Variants in LRCH2 observed in about 807,000 individuals in gnomAD.
LRCH2 encodes the protein leucine-rich repeat and calponin homology domain-containing protein 2.
A neutral mutation model predicts 68.9 loss-of-function variants in LRCH2; 38 were observed. The observed-to-expected ratio is 0.55, with a 90% CI of 0.43 to 0.72. The LOEUF (loss-of-function observed/expected upper bound fraction) is 0.72. LRCH2 is among the 30% of genes least tolerant of loss of function. The probability of loss-of-function intolerance (pLI) is 0.00; values close to 1 mark genes in which losing one functional copy is unlikely to be tolerated. For synonymous variants in LRCH2, 191 were observed against 208.1 expected (o/e 0.92, Z 0.71); for missense variants, 528 against 572.9 (o/e 0.92, Z 0.80).
At chrX:115,185,139 T>C (rs1004980002) in intron 2 of LRCH2, among the ~76,000 whole-genome samples, 6 of 112,399 alleles carry the variant, frequency 5.3e-5, no homozygotes, top group Non-Finnish European at 1.9e-5. Flanking sequence ...AAAACATTCT[T>C]ATCTCTGTAG....
intron 2 of LRCH2, among the ~76,000 whole-genome samples, chrX:115,186,583 A>T (rs1446886000): frequency 9.0e-6 from 1 of 111,397 alleles, no homozygotes; most frequent in Non-Finnish European, 1.9e-5. Flanking sequence ...GAATCAGAGA[A>T]AGTTTTAGTA....
rs1271892510 is a variant in LRCH2, at chrX:115,133,839, T to G, written c.1696-3640A>C. 2.7e-5 allele frequency among the ~76,000 whole-genome samples: 3 copies of G among 111,752 alleles called. No individual in the cohort carries two copies. In the East Asian group the frequency reaches 8.4e-4, roughly 31 times the overall value. On this transcript the variant is annotated intron_variant, in intron 14 of 20. Coordinates refer to ENST00000317135, the MANE Select transcript of LRCH2 (RefSeq NM_020871.4). ...ATTAGGCCAACTAATAATCCCACAA[T>G]GGCCTCTTTAAGTGTTCAAGTGAAA...
intron 15 of LRCH2, 61 bp downstream of exon 15, chrX:115,130,092 ACT>A (rs2072230335): frequency 1.5e-6 from 1 of 649,609 alleles, no homozygotes; most frequent in Non-Finnish European, 2.3e-6. Context: ...TTTTACTCTC[ACT>A]GAGCCAACTT....
At chrX:115,189,244 T>G (rs1569515498) in intron 1 of LRCH2, among the ~76,000 whole-genome samples, 1 of 112,551 alleles carries the variant, frequency 8.9e-6, no homozygotes, top group Non-Finnish European at 1.9e-5. Flanking sequence ...TCTTATTTTC[T>G]ATTCCTAGGA....
intron 14 of LRCH2, among the ~76,000 whole-genome samples, chrX:115,131,438 TC>T (rs1391683714): frequency 1.8e-5 from 2 of 111,335 alleles, no homozygotes; most frequent in Non-Finnish European, 3.8e-5. Context: ...CATGAACTCA[TC>T]CTTTTTTATG....
intron 11 of LRCH2, among the ~76,000 whole-genome samples, chrX:115,157,345 GTAAAATCTCGGCCTTTTATTCAAAA>G (rs2072483427): frequency 9.1e-6 from 1 of 110,277 alleles, no homozygotes. Context: ...TTTAATATAA[GTAAAATCTCGGCCTTTTATTCAAAA>G]TAAAATCTCC....
At chrX:115,205,953 A>T in intron 1 of LRCH2, among the ~76,000 whole-genome samples, 1 of 181 alleles carries the variant, frequency 5.5e-3, no homozygotes, top group South Asian at 0.5. Flanking sequence ...AAAAAAATGC[A>T]AAAAAAAATG....
intron 1 of LRCH2, among the ~76,000 whole-genome samples, chrX:115,228,127 T>C (rs782150778): frequency 6.9e-4 from 77 of 112,297 alleles, no homozygotes; most frequent in African/African-American, 2.4e-3. Context: ...GTTTGACCTT[T>C]AGCAGATTGA....
chrX:115,190,175 C>G, intron 1 of LRCH2: 2 of 1,166,070 alleles, frequency 1.7e-6, no homozygotes, highest in Non-Finnish European at 2.3e-6. Context: ...CCACTGCCCC[C>G]GTGCCGCGAC....
intron 6 of LRCH2, among the ~76,000 whole-genome samples, chrX:115,167,242 CT>C (rs1364244267): frequency 3.3e-5 from 1 of 30,528 alleles, no homozygotes; most frequent in South Asian, 1.8e-3. Context: ...CAAAAAAAAA[CT>C]TTTTTTTGTA....
intron 1 of LRCH2, chrX:115,189,802 C>T: frequency 8.6e-7 from 1 of 1,167,316 alleles, no homozygotes; most frequent in Non-Finnish European, 1.1e-6. Flanking sequence ...CCCACAGCGA[C>T]CCCCCTCTCA....
At chrX:115,156,563 T>G (rs1346702337) in intron 12 of LRCH2, 39 bp downstream of exon 12, 2 of 936,119 alleles carry the variant, frequency 2.1e-6, no homozygotes, top group African/African-American at 4.0e-5. Context: ...CAATACTCAT[T>G]ATAAAATATT....
In LRCH2 at chrX:115,192,257, G is replaced by A. The variant is rs782526835; in HGVS notation, c.350-3887C>T. The A allele has an allele frequency of 5.2e-6, 6 of 1,164,806 alleles. No homozygotes were observed. In the South Asian group the frequency reaches 5.7e-5, roughly 11 times the overall value. On this transcript the variant is annotated intron_variant, in intron 1 of 20. Transcript: ENST00000317135. ...AACAGTTCCAACAACAGTCATGGCC[G>A]GAGCCACCGCTACGGAGGAGGAGGC...
At chrX:115,187,655 G>A (rs376984906) in intron 2 of LRCH2, among the ~76,000 whole-genome samples, 1 of 112,202 alleles carries the variant, frequency 8.9e-6, no homozygotes, top group Non-Finnish European at 1.9e-5. Flanking sequence ...TGGGTAAAGC[G>A]TTTGGAACAC....
intron 15 of LRCH2, 103 bp downstream of exon 15, chrX:115,130,052 A>G (rs2072229974): frequency 4.8e-6 from 2 of 415,334 alleles, no homozygotes; most frequent in Admixed American, 1.1e-4. Flanking sequence ...GCATTAAATC[A>G]ATAACAAAGA....
chrX:115,211,772 A>T (rs1412604497), intron 1 of LRCH2, among the ~76,000 whole-genome samples: 1 of 110,483 alleles, frequency 9.1e-6, no homozygotes, highest in Non-Finnish European at 1.9e-5. Flanking sequence ...CCCCCCCAAG[A>T]TTGCTTCTTG....
In LRCH2 at chrX:115,233,832, G is replaced by C. The variant is rs1314489522; in HGVS notation, c.210C>G (p.Ser70Arg). The change falls in exon 1 of 21, where the codon AGC (serine) becomes AGG (arginine). Residue 70 changes from serine to arginine, a missense_variant. Transcript: ENST00000317135. The part of the protein sequence containing the change: ...FPNGPPWNPG[S>R]LQPQHTVRSL... ...TCCTCACGGTGTGCTGAGGCTGCAG[G>C]CTCCCCGGGTTCCACGGCGGCCCGT... The C allele has an allele frequency of 8.6e-7, 1 of 1,166,077 alleles. No homozygotes were observed. The highest frequency in any genetic ancestry group is 3.3e-5 in the East Asian group (1 of 30,670).
intron 20 of LRCH2, among the ~76,000 whole-genome samples, chrX:115,116,604 T>C (rs1556524139): frequency 9.0e-6 from 1 of 111,425 alleles, no homozygotes; most frequent in Non-Finnish European, 1.9e-5. Context: ...GTTGCTGAAC[T>C]CTGTGATTAT....
chrX:115,203,682 T>C (rs2072945314), intron 1 of LRCH2, among the ~76,000 whole-genome samples: 1 of 112,616 alleles, frequency 8.9e-6, no homozygotes, highest in African/African-American at 3.2e-5. Flanking sequence ...CTTCTTTCAA[T>C]CCATGCCTCA....
Sources: gnomAD v4.1 joint callset for allele counts (sites outside exome capture counted in the v4.1 genomes callset) on GRCh38, gnomAD v4.1.1 for gene constraint, MANE v1.5 for transcripts, NCBI Gene and HGNC (gene_info 2026-07-23, HGNC 2026-07-21) for gene names.